Variants in HPSE2 observed in about 807,000 individuals in gnomAD.
The protein encoded by HPSE2 is inactive heparanase-2.
A neutral mutation model predicts 60.5 loss-of-function variants in HPSE2; 38 were observed. That is an observed-to-expected ratio of 0.63 (90% CI 0.48 to 0.82). HPSE2 has a LOEUF of 0.82. Ranked by LOEUF, HPSE2 falls within the 40% of genes least tolerant of loss-of-function variation. HPSE2 has a pLI of 0.00. For synonymous variants in HPSE2, 295 were observed against 293.2 expected (o/e 1.01, Z -0.06); for missense variants, 713 against 740.4 (o/e 0.96, Z 0.43).
chr10:98,575,986 T>C lies in HPSE2; in HGVS notation c.1320+38918A>G, dbSNP rs543975567. On this transcript the variant is annotated intron_variant, in intron 9 of 11. Transcript: ENST00000370552. ...TATTTTCATAAGCTGATACTTATAA[T>C]TTAGGTGTTTATTGTCACTATTTAG... 2.0e-5 allele frequency among the ~76,000 whole-genome samples: 3 copies of C among 152,312 alleles called. No individual in the cohort carries two copies. In the East Asian group the frequency reaches 5.8e-4, roughly 29 times the overall value.
At chr10:98,604,860 G>C (rs868729815) in intron 9 of HPSE2, among the ~76,000 whole-genome samples, 5 of 152,198 alleles carry the variant, frequency 3.3e-5, no homozygotes, top group Admixed American at 6.5e-5. Context: ...ATTAGAGACA[G>C]ACCCAGAGCG....
intron 6 of HPSE2, among the ~76,000 whole-genome samples, chr10:98,688,322 A>G (rs978193883): frequency 5.3e-5 from 8 of 152,024 alleles, no homozygotes; most frequent in African/African-American, 1.9e-4. Flanking sequence ...ATGAATCATT[A>G]TTTTGTAAAT....
At chr10:98,701,953 T>A (rs1420579460) in intron 5 of HPSE2, among the ~76,000 whole-genome samples, 2 of 152,150 alleles carry the variant, frequency 1.3e-5, no homozygotes, top group African/African-American at 2.4e-5. Flanking sequence ...AATTTACACA[T>A]AACAATATTA....
At chr10:99,149,045 A>C (rs149409441) in intron 2 of HPSE2, among the ~76,000 whole-genome samples, 232 of 152,068 alleles carry the variant, frequency 1.5e-3, no homozygotes, top group African/African-American at 5.3e-3. Flanking sequence ...ATATATATTT[A>C]TACAAAAAAA....
chr10:98,587,645 CTT>C (rs1483434962), intron 9 of HPSE2, among the ~76,000 whole-genome samples: 1 of 152,172 alleles, frequency 6.6e-6, no homozygotes, highest in Non-Finnish European at 1.5e-5. Context: ...TGAGAACTGT[CTT>C]GATCCAAATA....
intron 2 of HPSE2, among the ~76,000 whole-genome samples, chr10:99,153,612 C>G (rs1188304018): frequency 6.6e-6 from 1 of 152,046 alleles, no homozygotes; most frequent in Non-Finnish European, 1.5e-5. Context: ...ACATCACCAT[C>G]ATCAAAGACC....
chr10:98,561,725 G>A (rs987435187), intron 9 of HPSE2, among the ~76,000 whole-genome samples: 1 of 152,142 alleles, frequency 6.6e-6, no homozygotes, highest in African/African-American at 2.4e-5. Context: ...GCGGGCGCCT[G>A]CAATTCCAGC....
intron 3 of HPSE2, among the ~76,000 whole-genome samples, chr10:98,804,230 C>T (rs1316807223): frequency 6.6e-6 from 1 of 151,784 alleles, no homozygotes; most frequent in Non-Finnish European, 1.5e-5. Context: ...GGCAAAATTT[C>T]TTAAGCAATA....
chr10:99,152,810 G>A (rs535963818), intron 2 of HPSE2, among the ~76,000 whole-genome samples: 13 of 152,308 alleles, frequency 8.5e-5, no homozygotes, highest in South Asian at 4.1e-4. Context: ...CGCAGAAGAC[G>A]GGTGATTTCT....
At chr10:98,581,683 A>G (rs1483733559) in intron 9 of HPSE2, among the ~76,000 whole-genome samples, 1 of 152,170 alleles carries the variant, frequency 6.6e-6, no homozygotes, top group Non-Finnish European at 1.5e-5. Flanking sequence ...CATTGTGTGT[A>G]GAGATTTTTA....
intron 9 of HPSE2, among the ~76,000 whole-genome samples, chr10:98,552,472 A>C (rs1943891108): frequency 6.6e-6 from 1 of 152,188 alleles, no homozygotes; most frequent in Non-Finnish European, 1.5e-5. Context: ...AGGAGAGAAG[A>C]CTAAGGCTTC....
At chr10:99,199,191 T>C (rs1237036856) in intron 2 of HPSE2, among the ~76,000 whole-genome samples, 1 of 152,108 alleles carries the variant, frequency 6.6e-6, no homozygotes, top group East Asian at 1.9e-4. Context: ...TCAATTCTCT[T>C]GGAATGAGAG....
chr10:99,147,458 GAGT>G (rs1476484108), intron 2 of HPSE2, among the ~76,000 whole-genome samples: 2 of 152,134 alleles, frequency 1.3e-5, no homozygotes, highest in Non-Finnish European at 2.9e-5. Context: ...CTAATTTGAA[GAGT>G]AGAACACCAA....
intron 2 of HPSE2, among the ~76,000 whole-genome samples, chr10:99,177,795 C>G (rs1361097586): frequency 6.6e-6 from 1 of 152,142 alleles, no homozygotes; most frequent in Non-Finnish European, 1.5e-5. Flanking sequence ...CAGAACTCTC[C>G]GCCCCAAATC....
intron 9 of HPSE2, among the ~76,000 whole-genome samples, chr10:98,512,870 T>A (rs1247940694): frequency 6.9e-6 from 1 of 144,838 alleles, no homozygotes; most frequent in Admixed American, 7.0e-5. Context: ...TCAACTGAGA[T>A]ATTAGCTCAA....
At chr10:99,162,939 G>A (rs971465023) in intron 2 of HPSE2, among the ~76,000 whole-genome samples, 1 of 152,178 alleles carries the variant, frequency 6.6e-6, no homozygotes, top group African/African-American at 2.4e-5. Flanking sequence ...GCCAGGCGCG[G>A]TGGCTCACAC....
chr10:99,084,355 A>G (rs1255935112), intron 3 of HPSE2, among the ~76,000 whole-genome samples: 2 of 152,144 alleles, frequency 1.3e-5, no homozygotes, highest in East Asian at 1.9e-4. Context: ...TGCCAGGGGG[A>G]AATTAAAATG....
At chr10:98,866,651 T>C (rs1413743831) in intron 3 of HPSE2, among the ~76,000 whole-genome samples, 1 of 152,000 alleles carries the variant, frequency 6.6e-6, no homozygotes. Context: ...CAAAGATAAG[T>C]AAGACTTCAG....
intron 9 of HPSE2, among the ~76,000 whole-genome samples, chr10:98,501,330 A>T (rs1430720555): frequency 2.6e-5 from 4 of 152,214 alleles, no homozygotes; most frequent in Admixed American, 2.6e-4. Flanking sequence ...ATCCAACAAC[A>T]TATCAAAAAG....
Sources: gnomAD v4.1 joint callset for allele counts (sites outside exome capture counted in the v4.1 genomes callset) on GRCh38, gnomAD v4.1.1 for gene constraint, MANE v1.5 for transcripts, NCBI Gene and HGNC (gene_info 2026-07-23, HGNC 2026-07-21) for gene names.